The following KLF12 variants were observed in gnomAD, a reference collection of about 807,000 sequenced individuals.
KLF12 encodes the protein KLF transcription factor 12, also known as Krueppel-like factor 12.
KLF12 carries 9 observed loss-of-function variants against 37.8 expected under a neutral mutation model. The observed-to-expected ratio is 0.24, with a 90% CI of 0.14 to 0.42. KLF12 has a LOEUF of 0.42. KLF12 is among the 10% of genes least tolerant of loss of function. KLF12 has a pLI of 1.00. For missense variants in KLF12, 411 were observed against 516.0 expected, an observed-to-expected ratio of 0.80 and a Z score of 1.97; for synonymous variants, 208 against 202.1, an observed-to-expected ratio of 1.03 and a Z score of -0.25.
At chr13:73,697,088 A>AACACACACACACACAC (rs10679066) in intron 7 of KLF12, among the ~76,000 whole-genome samples, 15 of 149,660 alleles carry the variant, frequency 1.0e-4, no homozygotes, top group African/African-American at 3.2e-4. Context: ...ATACAACTGC[A>AACACACACACACACAC]ACACACACAC....
intron 1 of KLF12, among the ~76,000 whole-genome samples, chr13:74,073,070 T>C (rs1178731334): frequency 6.6e-6 from 1 of 152,230 alleles, no homozygotes; most frequent in African/African-American, 2.4e-5. Flanking sequence ...GATGCTCTCC[T>C]GCCTGCTGCC....
At chr13:74,171,963 T>C in the KLF12 span, among the ~76,000 whole-genome samples, 1 of 152,222 alleles carries the variant, frequency 6.6e-6, no homozygotes, top group South Asian at 2.1e-4. Flanking sequence ...TAACTTCTGA[T>C]AATTGGCCCA....
At chr13:74,121,829 G>T (rs568805736) in intron 1 of KLF12, among the ~76,000 whole-genome samples, 2 of 152,034 alleles carry the variant, frequency 1.3e-5, no homozygotes, top group East Asian at 3.9e-4. Context: ...CTGGATATAT[G>T]AAAACATTAC....
chr13:74,084,841 G>A (rs1364638038), intron 1 of KLF12, among the ~76,000 whole-genome samples: 1 of 151,880 alleles, frequency 6.6e-6, no homozygotes, highest in East Asian at 1.9e-4. Context: ...AAAGGGATGG[G>A]AACATTTTTT....
chr13:73,978,466 C>T (rs1349097214), intron 2 of KLF12, among the ~76,000 whole-genome samples: 1 of 152,172 alleles, frequency 6.6e-6, no homozygotes, highest in Non-Finnish European at 1.5e-5. Context: ...CAAATGTTGG[C>T]GAGCATGTGG....
At chr13:74,183,033 T>A in the KLF12 span, among the ~76,000 whole-genome samples, 1 of 152,192 alleles carries the variant, frequency 6.6e-6, no homozygotes, top group African/African-American at 2.4e-5. Context: ...GACCAAACCA[T>A]TTTTAACTCA....
intron 5 of KLF12, among the ~76,000 whole-genome samples, chr13:73,779,533 C>A (rs1880831730): frequency 6.6e-6 from 1 of 152,240 alleles, no homozygotes; most frequent in Non-Finnish European, 1.5e-5. Flanking sequence ...CTATCCATTT[C>A]TTCCATCTGG....
intron 3 of KLF12, among the ~76,000 whole-genome samples, chr13:73,941,189 A>T (rs941187155): frequency 1.3e-5 from 2 of 152,148 alleles, no homozygotes; most frequent in African/African-American, 4.8e-5. Flanking sequence ...AAGCTTTCTC[A>T]TTCATTGTTG....
At chr13:74,056,365 G>A (rs548785713) in intron 1 of KLF12, among the ~76,000 whole-genome samples, 54 of 152,256 alleles carry the variant, frequency 3.5e-4, no homozygotes, top group African/African-American at 1.2e-3. Context: ...CTGTATGTTC[G>A]TTGGTAGTTT....
chr13:74,285,368 C>T, the KLF12 span, among the ~76,000 whole-genome samples: 2 of 152,056 alleles, frequency 1.3e-5, no homozygotes, highest in Non-Finnish European at 2.9e-5. Flanking sequence ...GCTAGAGTTG[C>T]GGTTAGAAAA....
chr13:73,971,961 C>T lies in KLF12; in HGVS notation c.33+23029G>A, dbSNP rs1275131320. ...GTATTGTTTTCTACTCACAAATTAA[C>T]CAGCTGTACAATTACACTCATCAAA... is the stretch of plus-strand genomic sequence containing the variant. On this transcript the variant is annotated intron_variant, in intron 2 of 7. Transcript: ENST00000377669. 2.0e-5 allele frequency among the ~76,000 whole-genome samples: 3 copies of T among 152,140 alleles called. No individual in the cohort carries two copies. In the East Asian group the frequency reaches 5.8e-4, roughly 29 times the overall value.
intron 7 of KLF12, among the ~76,000 whole-genome samples, chr13:73,700,272 AT>A (rs1217624116): frequency 6.6e-6 from 1 of 150,768 alleles, no homozygotes; most frequent in Admixed American, 6.6e-5. Flanking sequence ...GTCTCAAAAA[AT>A]AAATAAATAA....
At chr13:74,299,464 T>A in the KLF12 span, among the ~76,000 whole-genome samples, 1 of 152,210 alleles carries the variant, frequency 6.6e-6, no homozygotes, top group South Asian at 2.1e-4. Context: ...GTGGCAATAT[T>A]TTCTATCAAA....
intron 6 of KLF12, among the ~76,000 whole-genome samples, chr13:73,749,554 A>G (rs1878605228): frequency 6.6e-6 from 1 of 152,226 alleles, no homozygotes; most frequent in Non-Finnish European, 1.5e-5. Context: ...ATTGCAAGGA[A>G]ATATAAAAGG....
intron 5 of KLF12, among the ~76,000 whole-genome samples, chr13:73,768,094 T>A (rs528381176): frequency 2.4e-4 from 36 of 152,320 alleles, no homozygotes; most frequent in African/African-American, 6.7e-4. Flanking sequence ...GTGAAAATTG[T>A]GTGACCAGCC....
At chr13:74,063,935 T>C (rs1483765069) in intron 1 of KLF12, among the ~76,000 whole-genome samples, 2 of 152,182 alleles carry the variant, frequency 1.3e-5, no homozygotes, top group Non-Finnish European at 1.5e-5. Flanking sequence ...AGCATTTAGA[T>C]TAACTGCTTC....
chr13:74,137,634 T>C (rs1033433582), upstream of KLF12, among the ~76,000 whole-genome samples: 1 of 152,228 alleles, frequency 6.6e-6, no homozygotes, highest in Non-Finnish European at 1.5e-5. Flanking sequence ...AGAAATAATG[T>C]TAATGTAAAA....
intron 4 of KLF12, among the ~76,000 whole-genome samples, chr13:73,824,114 T>C (rs1883696612): frequency 6.6e-6 from 1 of 151,964 alleles, no homozygotes; most frequent in African/African-American, 2.4e-5. Context: ...CTTGTGTACA[T>C]CTTCACATCA....
intron 5 of KLF12, 42 bp downstream of exon 5, chr13:73,813,110 A>G: frequency 6.2e-7 from 1 of 1,605,432 alleles, no homozygotes. Context: ...TCCATTGAAC[A>G]CCTTGGCAAT....
Sources: allele counts gnomAD v4.1 joint callset (sites outside exome capture counted in the v4.1 genomes callset), GRCh38; gene constraint gnomAD v4.1.1; transcripts MANE v1.5; gene names NCBI Gene and HGNC (gene_info 2026-07-23, HGNC 2026-07-21).